Variants in GRIA3 observed in about 807,000 individuals in gnomAD.
GRIA3 encodes glutamate ionotropic receptor AMPA type subunit 3.
GRIA3 carries 3 observed loss-of-function variants against 63.0 expected under a neutral mutation model. The observed-to-expected ratio is 0.05, with a 90% CI of 0.02 to 0.12. GRIA3 has a LOEUF of 0.12. GRIA3 is among the 10% of genes least tolerant of loss of function. GRIA3 has a pLI of 1.00. For missense variants in GRIA3, 347 were observed against 700.9 expected, an observed-to-expected ratio of 0.50 and a Z score of 5.70; for synonymous variants, 274 against 257.9, an observed-to-expected ratio of 1.06 and a Z score of -0.60.
intron 3 of GRIA3, among the ~76,000 whole-genome samples, chrX:123,295,765 C>T (rs959934515): frequency 2.7e-5 from 3 of 111,177 alleles, no homozygotes; most frequent in Non-Finnish European, 3.8e-5. Flanking sequence ...GTTTTTGGCA[C>T]ACTCCAATTT....
chrX:123,421,108 A>G (rs1368596226), intron 11 of GRIA3, among the ~76,000 whole-genome samples: 1 of 111,625 alleles, frequency 9.0e-6, no homozygotes, highest in Non-Finnish European at 1.9e-5. Flanking sequence ...AACCTACAGA[A>G]TAACACTAGC....
intron 2 of GRIA3, among the ~76,000 whole-genome samples, chrX:123,222,207 C>G (rs2044223002): frequency 9.0e-6 from 1 of 111,572 alleles, no homozygotes; most frequent in Non-Finnish European, 1.9e-5. Context: ...AAGGCCAAGA[C>G]TCTCTCTAAA....
At chrX:123,467,033 T>C (rs2045837913) in intron 13 of GRIA3, among the ~76,000 whole-genome samples, 1 of 113,021 alleles carries the variant, frequency 8.8e-6, no homozygotes, top group African/African-American at 3.2e-5. Flanking sequence ...GGCATTGGCA[T>C]GGCCTTTTAT....
intron 10 of GRIA3, among the ~76,000 whole-genome samples, chrX:123,413,409 C>G (rs1420359653): frequency 9.3e-6 from 1 of 107,401 alleles, no homozygotes; most frequent in South Asian, 4.2e-4. Flanking sequence ...AGAAATGATA[C>G]TAGAGGGGTA....
intron 3 of GRIA3, among the ~76,000 whole-genome samples, chrX:123,323,025 T>C (rs1161762799): frequency 1.8e-5 from 2 of 112,699 alleles, no homozygotes; most frequent in African/African-American, 3.2e-5. Context: ...CTATCATCTA[T>C]GTCTTCCAGA....
chrX:123,196,199 A>C (rs1448918940), intron 2 of GRIA3, among the ~76,000 whole-genome samples: 1 of 111,712 alleles, frequency 9.0e-6, no homozygotes, highest in Non-Finnish European at 1.9e-5. Flanking sequence ...ATATACTCTG[A>C]GAAAGAGGCT....
chrX:123,204,166 T>C (rs890580749), intron 2 of GRIA3, among the ~76,000 whole-genome samples: 10 of 112,112 alleles, frequency 8.9e-5, no homozygotes, highest in African/African-American at 2.9e-4. Flanking sequence ...AGGGGCATTC[T>C]GGAAACTGCA....
chrX:123,365,985 T>C, intron 5 of GRIA3, among the ~76,000 whole-genome samples: 1 of 111,530 alleles, frequency 9.0e-6, no homozygotes, highest in Non-Finnish European at 1.9e-5. Context: ...TGGTGGACAA[T>C]TCCCAGAACT....
chrX:123,388,854 T>C (rs1181992666), intron 5 of GRIA3, among the ~76,000 whole-genome samples: 1 of 112,056 alleles, frequency 8.9e-6, no homozygotes, highest in East Asian at 2.8e-4. Flanking sequence ...TTGGCAGTTA[T>C]TTCTATAAAC....
At chrX:123,464,216 T>A (rs2045822908) in intron 12 of GRIA3, among the ~76,000 whole-genome samples, 1 of 111,493 alleles carries the variant, frequency 9.0e-6, no homozygotes, top group African/African-American at 3.3e-5. Flanking sequence ...ACCTATTGAA[T>A]ACAATATTCA....
At chrX:123,203,592 T>C (rs913695907) in intron 2 of GRIA3, among the ~76,000 whole-genome samples, 1 of 111,735 alleles carries the variant, frequency 8.9e-6, no homozygotes, top group South Asian at 3.8e-4. Context: ...CTACCAAGAC[T>C]TGACTCCTTC....
intron 10 of GRIA3, among the ~76,000 whole-genome samples, chrX:123,416,126 T>C (rs746278936): frequency 2.1e-4 from 23 of 111,983 alleles, no homozygotes; most frequent in Non-Finnish European, 3.8e-4. Flanking sequence ...GTAAGTGTAA[T>C]GTGCTTAGCA....
At chrX:123,463,280 G>A (rs775751242) in intron 12 of GRIA3, among the ~76,000 whole-genome samples, 8 of 109,596 alleles carry the variant, frequency 7.3e-5, no homozygotes, top group Non-Finnish European at 1.3e-4. Context: ...CAGGTCAGGT[G>A]CTCACGCCTG....
intron 11 of GRIA3, among the ~76,000 whole-genome samples, chrX:123,422,170 G>T (rs1417554965): frequency 4.5e-5 from 5 of 112,129 alleles, no homozygotes; most frequent in African/African-American, 1.3e-4. Flanking sequence ...ATGAAAGAAG[G>T]CAGTGAGCAT....
rs1415180873 is a variant in GRIA3 at position 123,360,961 on chromosome X, A to G, written c.750+5998A>G. ...TCTCTCTCCCTCCTCATCCAACCTCACTTATGCCAGAAAATAATGATGGAA... is the reference window on the plus strand; with the variant it reads ...TCTCTCTCCCTCCTCATCCAACCTCGCTTATGCCAGAAAATAATGATGGAA... On this transcript the variant is annotated intron_variant, in intron 5 of 15. Transcript: ENST00000620443. 6.7e-5 allele frequency among the ~76,000 whole-genome samples: 7 copies of G among 105,254 alleles called. No homozygotes were observed. The Admixed American group carries it at 7.4e-4, about 11-fold the overall frequency. The allele number at this position is 105,254 out of a possible 115,157, so 91.4% of individuals were successfully genotyped here.
intron 3 of GRIA3, among the ~76,000 whole-genome samples, chrX:123,258,230 A>T (rs915713665): frequency 8.9e-6 from 1 of 112,387 alleles, no homozygotes; most frequent in Non-Finnish European, 1.9e-5. Flanking sequence ...CCACTGATTA[A>T]TAGTCTTTCT....
chrX:123,343,434 C>T (rs1381249089), intron 4 of GRIA3, among the ~76,000 whole-genome samples: 3 of 111,673 alleles, frequency 2.7e-5, no homozygotes, highest in African/African-American at 9.8e-5. Flanking sequence ...TTCTGCAATA[C>T]ACTTTTCAGA....
chrX:123,198,761 A>AT (rs1249605159), intron 2 of GRIA3, among the ~76,000 whole-genome samples: 10 of 111,815 alleles, frequency 8.9e-5, no homozygotes, highest in Admixed American at 6.6e-4. Context: ...CCCTTCTGAT[A>AT]TTTTTTTTCT....
At chrX:123,269,913 C>T (rs1052492021) in intron 3 of GRIA3, among the ~76,000 whole-genome samples, 3 of 112,234 alleles carry the variant, frequency 2.7e-5, no homozygotes, top group Non-Finnish European at 5.6e-5. Flanking sequence ...CACAAGCAAA[C>T]GGAAGTGCCT....
Sources: allele counts gnomAD v4.1 joint callset (sites outside exome capture counted in the v4.1 genomes callset), GRCh38; gene constraint gnomAD v4.1.1; transcripts MANE v1.5; gene names NCBI Gene and HGNC (gene_info 2026-07-23, HGNC 2026-07-21).